The following CORO2B variants were observed in gnomAD, a reference collection of about 807,000 sequenced individuals.
The protein encoded by CORO2B is coronin 2B.
CORO2B carries 26 observed loss-of-function variants against 58.8 expected under a neutral mutation model. The observed-to-expected ratio is 0.44, with a 90% CI of 0.32 to 0.61. The LOEUF (loss-of-function observed/expected upper bound fraction) is 0.61. CORO2B is among the 20% of genes least tolerant of loss of function. CORO2B has a pLI of 0.04. For missense variants in CORO2B, 460 were observed against 645.1 expected (o/e 0.71, Z 3.11); for synonymous variants, 242 against 253.8 (o/e 0.95, Z 0.44).
At chr15:68,668,972 G>T (rs1462147201) in intron 2 of CORO2B, among the ~76,000 whole-genome samples, 1 of 151,926 alleles carries the variant, frequency 6.6e-6, no homozygotes, top group Non-Finnish European at 1.5e-5. Flanking sequence ...CAACTACTCG[G>T]GAGGCTGAAG....
intron 1 of CORO2B, among the ~76,000 whole-genome samples, chr15:68,591,586 G>C (rs993633096): frequency 2.2e-4 from 33 of 152,208 alleles, no homozygotes; most frequent in African/African-American, 8.0e-4. Flanking sequence ...TAGAGGCAGA[G>C]AGGTGAGTGG....
At chr15:68,706,918 G>A (rs557548758) in intron 3 of CORO2B, among the ~76,000 whole-genome samples, 5 of 152,016 alleles carry the variant, frequency 3.3e-5, no homozygotes, top group Non-Finnish European at 5.9e-5. Context: ...TCACTGTGTT[G>A]CCCAGGTTGG....
At chr15:68,689,732 A>AT (rs1892310217) in intron 2 of CORO2B, among the ~76,000 whole-genome samples, 1 of 152,208 alleles carries the variant, frequency 6.6e-6, no homozygotes, top group African/African-American at 2.4e-5. Context: ...GATTGCTGAC[A>AT]TTTTTTAAAA....
chr15:68,618,679 C>T (rs1045727144), intron 1 of CORO2B, among the ~76,000 whole-genome samples: 1 of 152,162 alleles, frequency 6.6e-6, no homozygotes, highest in Non-Finnish European at 1.5e-5. Context: ...GACTTTTTAT[C>T]TCTTCATGTT....
At chr15:68,519,665 A>G in the CORO2B span, among the ~76,000 whole-genome samples, 1 of 152,158 alleles carries the variant, frequency 6.6e-6, no homozygotes, top group Non-Finnish European at 1.5e-5. Flanking sequence ...TATTTCATTA[A>G]TATCTGCTCT....
intron 2 of CORO2B, among the ~76,000 whole-genome samples, chr15:68,647,082 C>T (rs1002540907): frequency 2.6e-5 from 4 of 152,084 alleles, no homozygotes; most frequent in African/African-American, 9.7e-5. Flanking sequence ...CACATCATGA[C>T]AAAAATTAAT....
At chr15:68,666,916 T>C (rs1050262691) in intron 2 of CORO2B, among the ~76,000 whole-genome samples, 1 of 152,166 alleles carries the variant, frequency 6.6e-6, no homozygotes, top group Non-Finnish European at 1.5e-5. Flanking sequence ...AATCTAGGCA[T>C]TGCCAGAAAC....
intron 1 of CORO2B, among the ~76,000 whole-genome samples, chr15:68,579,749 C>T (rs1308649803): frequency 6.6e-6 from 1 of 152,196 alleles, no homozygotes; most frequent in Non-Finnish European, 1.5e-5. Flanking sequence ...ATGCCGGGAG[C>T]GCTGGCTCCA....
intron 1 of CORO2B, among the ~76,000 whole-genome samples, chr15:68,643,638 A>C (rs1384385665): frequency 6.6e-6 from 1 of 152,108 alleles, no homozygotes; most frequent in Non-Finnish European, 1.5e-5. Context: ...GGTGGAAGAG[A>C]ATTTGCTTGA....
chr15:68,542,575 G>C, the CORO2B span, among the ~76,000 whole-genome samples: 1 of 152,230 alleles, frequency 6.6e-6, no homozygotes, highest in Admixed American at 6.5e-5. Flanking sequence ...AAATCAATAA[G>C]AGCTTATTTC....
intron 1 of CORO2B, among the ~76,000 whole-genome samples, chr15:68,623,394 G>A (rs1900580035): frequency 6.6e-6 from 1 of 152,132 alleles, no homozygotes; most frequent in Non-Finnish European, 1.5e-5. Context: ...AGGTCATGTG[G>A]GAGCCCTGGC....
intron 1 of CORO2B, among the ~76,000 whole-genome samples, chr15:68,585,580 C>G (rs951270033): frequency 6.6e-6 from 1 of 152,184 alleles, no homozygotes; most frequent in Non-Finnish European, 1.5e-5. Context: ...CCAGAGAACA[C>G]TTTCATCTCA....
the CORO2B span, among the ~76,000 whole-genome samples, chr15:68,562,099 A>G: frequency 2.6e-5 from 4 of 152,310 alleles, no homozygotes; most frequent in East Asian, 7.7e-4. Flanking sequence ...GTTGTCCTCC[A>G]GCCACCCCTT....
intron 1 of CORO2B, among the ~76,000 whole-genome samples, chr15:68,611,113 G>A (rs999244276): frequency 2.0e-5 from 3 of 152,182 alleles, no homozygotes; most frequent in Admixed American, 2.0e-4. Flanking sequence ...AGCATGACTC[G>A]TGGGAACCAG....
chr15:68,576,964 G>A (rs141218768), upstream of CORO2B, among the ~76,000 whole-genome samples: 44 of 152,294 alleles, frequency 2.9e-4, no homozygotes, highest in Admixed American at 2.2e-3. Context: ...CCATTGGGCT[G>A]GAGTTGTCAG....
chr15:68,642,476 T>G (rs932171798), intron 1 of CORO2B, among the ~76,000 whole-genome samples: 2 of 152,182 alleles, frequency 1.3e-5, no homozygotes, highest in Non-Finnish European at 2.9e-5. Context: ...TTGCCATCCC[T>G]TTGGCTCCCT....
At chr15:68,522,993 A>T in the CORO2B span, among the ~76,000 whole-genome samples, 1 of 152,086 alleles carries the variant, frequency 6.6e-6, no homozygotes, top group African/African-American at 2.4e-5. Context: ...TCTGGCATGC[A>T]GTTAGAGTAG....
chr15:68,724,994 G>T (rs1247614168), intron 11 of CORO2B, among the ~76,000 whole-genome samples: 1 of 152,180 alleles, frequency 6.6e-6, no homozygotes, highest in African/African-American at 2.4e-5. Context: ...TTCCTCATCA[G>T]TAGGGAAAAA....
At chr15:68,632,576 A>G (rs1900873988) in intron 1 of CORO2B, among the ~76,000 whole-genome samples, 1 of 152,004 alleles carries the variant, frequency 6.6e-6, no homozygotes, top group Non-Finnish European at 1.5e-5. Context: ...AATGGATGTC[A>G]TTTGTTTATT....
Sources: gnomAD v4.1 joint callset for allele counts (sites outside exome capture counted in the v4.1 genomes callset) on GRCh38, gnomAD v4.1.1 for gene constraint, MANE v1.5 for transcripts, NCBI Gene and HGNC (gene_info 2026-07-23, HGNC 2026-07-21) for gene names.